POLR1B: variants seen among roughly 807,000 people sequenced by gnomAD.
The protein encoded by POLR1B is DNA-directed RNA polymerase I subunit RPA2.
A neutral mutation model predicts 105.8 loss-of-function variants in POLR1B; 30 were observed. That is an observed-to-expected ratio of 0.28 (90% CI 0.21 to 0.38). The LOEUF is 0.38. Among genes scored for constraint, POLR1B ranks in the 10% least tolerant of loss-of-function variants. POLR1B has a pLI of 1.00. For synonymous variants in POLR1B, 485 were observed against 505.1 expected (o/e 0.96, Z 0.53); for missense variants, 976 against 1,435.8 (o/e 0.68, Z 5.17).
chr2:112,542,656 C>T lies in POLR1B; in HGVS notation c.162C>T (p.Leu54=). 3 of 1,613,482 alleles carry T rather than the reference C, an allele frequency of 1.9e-6. No individual in the cohort carries two copies. Among genetic ancestry groups the T allele is most frequent in the Admixed American group, 3.3e-5 (2 of 60,020 alleles). Residue 54 remains leucine (L), a synonymous_variant, in exon 1 of 15, where the codon CTC becomes CTT. Coordinates refer to ENST00000263331, the MANE Select transcript of POLR1B (RefSeq NM_019014.6). ...ESFNYAVHEG[L]GLAVQAIPPF... is the part of the protein sequence containing the mutation. ...TCAACTACGCTGTGCACGAGGGTCTCGGCCTCGCGGTGCAGGTGAGCGCGG... is the reference window on the plus strand; with the variant it reads ...TCAACTACGCTGTGCACGAGGGTCTTGGCCTCGCGGTGCAGGTGAGCGCGG...
rs114601939 is a variant in POLR1B at position 112,546,272 on chromosome 2, C to T, written c.178-740C>T. On this transcript the variant is annotated intron_variant, in intron 1 of 14. Transcript: ENST00000263331. ...GGCTCTGGCTTCAGTTTGACGTTGCCATTGTACATTAAGCATCTAGTCTTA... is the reference window on the plus strand; with the variant it reads ...GGCTCTGGCTTCAGTTTGACGTTGCTATTGTACATTAAGCATCTAGTCTTA... Among the ~76,000 whole-genome samples the T allele has an allele frequency of 7.7e-3, 1,178 of 152,266 alleles. 20 individuals carry two copies. The highest frequency in any genetic ancestry group is 0.026 in the African/African-American group (1,101 of 41,560).
In POLR1B at chr2:112,575,366, T is replaced by G. The variant is rs1432556324; in HGVS notation, c.3045T>G (p.Thr1015=). ...CAGACAAATTTCAAGTAAGGACAAC[T>G]GGAGCCCGAGACAGAGTCACCAACC... is the stretch of plus-strand genomic sequence containing the variant. ...MVSDKFQVRT[T]GARDRVTNQP... is the part of the protein sequence containing the mutation. The change falls in exon 15 of 15, where the codon ACT becomes ACG. Residue 1015 remains threonine (T), a synonymous_variant. Coordinates refer to ENST00000263331, the MANE Select transcript of POLR1B (RefSeq NM_019014.6). The surrounding 1 kb of genome is among the most constrained non-coding windows in gnomAD (Gnocchi z 5.3). 5.6e-6 allele frequency: 9 copies of G among 1,614,162 alleles called. No individual in the cohort carries two copies. Among genetic ancestry groups the G allele is most frequent in the Non-Finnish European group, 7.6e-6 (9 of 1,180,030 alleles).
At chr2:112,548,504 A>G (rs887904356) in intron 3 of POLR1B, among the ~76,000 whole-genome samples, 3 of 152,326 alleles carry the variant, frequency 2.0e-5, no homozygotes, top group South Asian at 4.1e-4. Flanking sequence ...ATATTTTTCT[A>G]TTTAGCTAAT....
chr2:112,542,358 G>T (rs1001128170), upstream of POLR1B: 1 of 1,579,786 alleles, frequency 6.3e-7, no homozygotes, highest in Admixed American at 1.8e-5. Flanking sequence ...GCAGGGCCTA[G>T]GGCGGGTGGA....
rs762725871 is a variant in POLR1B, at chr2:112,575,737, T to C, written c.*8T>C. 2 of 1,601,800 alleles carry C rather than the reference T, an allele frequency of 1.2e-6. No individual in the cohort carries two copies. Among genetic ancestry groups the C allele is most frequent in the East Asian group, 2.2e-5 (1 of 44,662 alleles). ...AAACTGGATGTTGTTTAACTTGATG[T>C]TGACCTTTTGGATTAAGAGGACTAT... On this transcript the variant is annotated 3_prime_UTR_variant, in exon 15 of 15. Coordinates refer to ENST00000263331, the MANE Select transcript of POLR1B (RefSeq NM_019014.6). The surrounding 1 kb of genome is among the most constrained non-coding windows in gnomAD (Gnocchi z 5.3).
In POLR1B at chr2:112,550,874, A is replaced by G. The variant is rs749884133; in HGVS notation, c.634A>G (p.Met212Val). ...GPGYTQYGVSMHCVREEHSAV... is the reference protein window; with the variant it reads ...GPGYTQYGVSVHCVREEHSAV... ...GTTGTTTGGTTCAATAGGAGTTTCA[A>G]TGCACTGTGTGAGGGAAGAACATTC... is the stretch of plus-strand genomic sequence containing the variant. Residue 212 changes from methionine (M) to valine (V), a missense_variant, in exon 5 of 15, where the codon ATG becomes GTG. By Grantham distance (21) the Met-to-Val change is conservative. Around this residue, in one of 12 missense-constraint regions of POLR1B, gnomAD observed 452 missense variants for 616.5 expected, o/e 0.73. Transcript: ENST00000263331. 8 of 1,614,104 alleles carry G rather than the reference A, an allele frequency of 5.0e-6. No homozygotes were observed. The highest frequency in any genetic ancestry group is 4.5e-5 in the East Asian group (2 of 44,874).
intron 3 of POLR1B, among the ~76,000 whole-genome samples, chr2:112,548,491 A>C (rs1683178112): frequency 6.6e-6 from 1 of 152,244 alleles, no homozygotes; most frequent in Non-Finnish European, 1.5e-5. Flanking sequence ...AGAGCTATTA[A>C]AAATATTTTT....
At chr2:112,549,459 T>TG in intron 4 of POLR1B, 60 bp downstream of exon 4, 1 of 1,276,046 alleles carries the variant, frequency 7.8e-7, no homozygotes, top group Non-Finnish European at 1.1e-6. Flanking sequence ...TTTTTTTTTT[T>TG]GAAGTAGATG....
rs998994303 is a variant in POLR1B at position 112,576,002 on chromosome 2, C to T, written c.*273C>T. 9.7e-6 allele frequency: 4 copies of T among 411,448 alleles called. No individual in the cohort carries two copies. Among genetic ancestry groups the T allele is most frequent in the South Asian group, 5.0e-5 (2 of 40,356 alleles). The allele number at this position is 411,448 out of a possible 1,614,324, so 25.5% of individuals were successfully genotyped here. A position where few individuals can be genotyped will look rare whatever the true frequency, so the allele number is the denominator to read the frequency against. Reference sequence around the variant, plus strand: ...GGAAGAGCATACGGTGACAAGTCTCCTTTCCAACCCCAGGTTCCCTACACC... The same window carrying T: ...GGAAGAGCATACGGTGACAAGTCTCTTTTCCAACCCCAGGTTCCCTACACC... On this transcript the variant is annotated 3_prime_UTR_variant, in exon 15 of 15. Coordinates refer to ENST00000263331, the MANE Select transcript of POLR1B (RefSeq NM_019014.6).
rs1187860568 is a variant in POLR1B at position 112,576,878 on chromosome 2, A to G, written c.*1149A>G. 6.6e-6 allele frequency: 1 copy of G among 152,158 alleles called. No individual in the cohort carries two copies. Among genetic ancestry groups the G allele is most frequent in the Non-Finnish European group, 1.5e-5 (1 of 68,036 alleles). The allele number at this position is 152,158 out of a possible 1,614,324, so 9.4% of individuals were successfully genotyped here. A position where few individuals can be genotyped will look rare whatever the true frequency, so the allele number is the denominator to read the frequency against. On this transcript the variant is annotated 3_prime_UTR_variant, in exon 15 of 15. Coordinates refer to ENST00000263331, the MANE Select transcript of POLR1B (RefSeq NM_019014.6). ...GCCTGGCCTCCGGTGAGTATTTTATATTTAGTCTACACTTCCATACTTGGC... is the reference window on the plus strand; with the variant it reads ...GCCTGGCCTCCGGTGAGTATTTTATGTTTAGTCTACACTTCCATACTTGGC...
chr2:112,574,942 C>T lies in POLR1B; in HGVS notation c.2621C>T (p.Pro874Leu). Reference protein sequence around the residue: ...FKCVCITMRVPRNPTIGDKFA... With the variant: ...FKCVCITMRVLRNPTIGDKFA... ...TGTGTTTGCATCACTATGAGAGTGC[C>T]TCGGAACCCAACTATCGGAGATAAA... The change falls in exon 15 of 15, where the codon CCT becomes CTT. Residue 874 changes from proline to leucine, a missense_variant. Transcript: ENST00000263331. The T allele has an allele frequency of 6.2e-7, 1 of 1,614,050 alleles. No individual in the cohort carries two copies. The highest frequency in any genetic ancestry group is 8.5e-7 in the Non-Finnish European group (1 of 1,180,022).
chr2:112,573,751 T>C lies in POLR1B; in HGVS notation c.2461T>C (p.Tyr821His), dbSNP rs1391532436. The part of the protein sequence containing the change: ...GLPFIGAKLQ[Y>H]GDPYYSYLNL... ...GCCGTTTATAGGAGCAAAACTGCAG[T>C]ACGGAGATCCGTATTACAGCTACCT... The change falls in exon 14 of 15, where the codon TAC becomes CAC. Residue 821 changes from tyrosine to histidine, a missense_variant. This residue lies in a region of POLR1B where 119 missense variants were observed against 149.7 expected (regional missense o/e 0.79). Transcript: ENST00000263331. The C allele has an allele frequency of 2.5e-6, 4 of 1,614,116 alleles. No individual in the cohort carries two copies. Among genetic ancestry groups the C allele is most frequent in the Non-Finnish European group, 3.4e-6 (4 of 1,180,036 alleles).
intron 10 of POLR1B, 137 bp downstream of exon 10, chr2:112,564,636 A>G (rs1684185177): frequency 2.5e-6 from 3 of 1,206,458 alleles, no homozygotes; most frequent in Non-Finnish European, 3.5e-6. Context: ...ATGCCTGTGC[A>G]TTCCCTCTGG....
chr2:112,553,429 C>G (rs917315187), intron 7 of POLR1B: 4 of 152,254 alleles, frequency 2.6e-5, no homozygotes, highest in African/African-American at 9.7e-5. Context: ...CCTCCCACCT[C>G]AGCCTCCTGA....
chr2:112,579,264 A>T lies in POLR1B; in HGVS notation c.*3535A>T, dbSNP rs1312013583. 6.9e-6 allele frequency among the ~76,000 whole-genome samples: 1 copy of T among 145,964 alleles called. No individual in the cohort carries two copies. The highest frequency in any genetic ancestry group is 1.5e-5 in the Non-Finnish European group (1 of 66,772). On this transcript the variant is annotated 3_prime_UTR_variant, in exon 15 of 15. Transcript: ENST00000263331. ...AAGGAAAGCAAAATTGTAGATAAGG[A>T]GGACTACTATACAGGTTATTGTGTA...
chr2:112,550,865 G>A lies in POLR1B; in HGVS notation c.626-1G>A, dbSNP rs867375953. The A allele has an allele frequency of 6.2e-7, 1 of 1,613,130 alleles. No individual in the cohort carries two copies. On this transcript the variant is annotated splice_acceptor_variant, in intron 4 of 14. Coordinates refer to ENST00000263331, the MANE Select transcript of POLR1B (RefSeq NM_019014.6). LOFTEE classifies it high-confidence loss of function. ...GATTTTTTTGTTGTTTGGTTCAATA[G>A]GAGTTTCAATGCACTGTGTGAGGGA...
chr2:112,571,919 G>T (rs1420795033), intron 12 of POLR1B, among the ~76,000 whole-genome samples: 1 of 152,136 alleles, frequency 6.6e-6, no homozygotes, highest in Non-Finnish European at 1.5e-5. Flanking sequence ...ATGTGTAGTT[G>T]GGGGTCTGCG....
intron 13 of POLR1B, 77 bp downstream of exon 13, chr2:112,572,835 A>C: frequency 7.5e-7 from 1 of 1,328,534 alleles, no homozygotes; most frequent in Non-Finnish European, 1.0e-6. Flanking sequence ...CACTGAAGGA[A>C]TATTTTTGTG....
intron 12 of POLR1B, among the ~76,000 whole-genome samples, chr2:112,571,120 T>C (rs1684567280): frequency 6.6e-6 from 1 of 152,152 alleles, no homozygotes. Context: ...TTCTCTAAGA[T>C]TTCTTATCTT....
Sources: gnomAD v4.1 joint callset for allele counts (sites outside exome capture counted in the v4.1 genomes callset) on GRCh38, gnomAD v4.1.1 for gene constraint, gnomAD v4.1.1 regional missense constraint, Gnocchi (gnomAD v3.1) non-coding constraint, MANE v1.5 for transcripts, NCBI Gene and HGNC (gene_info 2026-07-23, HGNC 2026-07-21) for gene names.